C12orf42: variants seen among roughly 807,000 people sequenced by gnomAD.
C12orf42 encodes chromosome 12 open reading frame 42, also known as uncharacterized protein C12orf42.
A neutral mutation model predicts 21.6 loss-of-function variants in C12orf42; 25 were observed. The observed-to-expected ratio is 1.16, with a 90% CI of 0.84 to 1.62. The LOEUF (loss-of-function observed/expected upper bound fraction) is 1.62, where lower values mean the gene tolerates loss of function less well. C12orf42 is among the 40% of genes most tolerant of loss of function. The probability of loss-of-function intolerance (pLI) is 0.00; values close to 1 mark genes in which losing one functional copy is unlikely to be tolerated. For synonymous variants in C12orf42, 174 were observed against 175.0 expected, an observed-to-expected ratio of 0.99 and a Z score of 0.05; for missense variants, 483 against 459.3, an observed-to-expected ratio of 1.05 and a Z score of -0.47.
chr12:103,456,222 GAA>G (rs1194181522), intron 2 of C12orf42: 1 of 152,106 alleles, frequency 6.6e-6, no homozygotes, highest in Non-Finnish European at 1.5e-5. Context: ...GGGAGGGACA[GAA>G]ATGAAGCCCA....
At chr12:103,422,676 T>C (rs1231985294) in intron 2 of C12orf42, among the ~76,000 whole-genome samples, 1 of 151,782 alleles carries the variant, frequency 6.6e-6, no homozygotes, top group African/African-American at 2.4e-5. Context: ...AAAGCAAAAA[T>C]AAAGGAAATA....
chr12:103,062,736 T>G, the C12orf42 span, among the ~76,000 whole-genome samples: 6 of 152,218 alleles, frequency 3.9e-5, no homozygotes, highest in Non-Finnish European at 7.3e-5. Flanking sequence ...TTGTTGTTAA[T>G]CCTACTTGGA....
chr12:103,530,628 G>T, the C12orf42 span, among the ~76,000 whole-genome samples: 1 of 151,770 alleles, frequency 6.6e-6, no homozygotes, highest in Non-Finnish European at 1.5e-5. Flanking sequence ...CAAGTGTTCG[G>T]GGGGGGAAAA....
chr12:103,169,331 C>G, the C12orf42 span, among the ~76,000 whole-genome samples: 1 of 152,142 alleles, frequency 6.6e-6, no homozygotes, highest in African/African-American at 2.4e-5. Flanking sequence ...CCAACCACAT[C>G]TCACTGGGAA....
At chr12:103,433,033 A>G (rs7304308) in intron 2 of C12orf42, among the ~76,000 whole-genome samples, 96,172 of 152,090 alleles carry the variant, frequency 0.63, 31,180 homozygotes, top group Admixed American at 0.73. Context: ...CTCCCAGTGA[A>G]ATATAAACTT....
At chr12:103,072,039 C>A in the C12orf42 span, among the ~76,000 whole-genome samples, 1 of 152,076 alleles carries the variant, frequency 6.6e-6, no homozygotes, top group African/African-American at 2.4e-5. Context: ...CTAGAGCTCC[C>A]AAAAATGAGA....
At chr12:103,391,165 A>G (rs963925528) in intron 3 of C12orf42, among the ~76,000 whole-genome samples, 3 of 152,014 alleles carry the variant, frequency 2.0e-5, no homozygotes, top group Non-Finnish European at 4.4e-5. Context: ...TCGGTTTTAT[A>G]TATATATATA....
At chr12:103,296,189 G>A (rs1035441256) in intron 4 of C12orf42, among the ~76,000 whole-genome samples, 1 of 151,918 alleles carries the variant, frequency 6.6e-6, no homozygotes. Flanking sequence ...CAAAGGACAT[G>A]AACTCTTCAT....
intron 10 of C12orf42, among the ~76,000 whole-genome samples, chr12:103,263,044 T>G (rs1381708349): frequency 6.6e-6 from 1 of 151,984 alleles, no homozygotes; most frequent in East Asian, 1.9e-4. Flanking sequence ...CAGCAAGATA[T>G]CACAAGGACA....
intron 10 of C12orf42, among the ~76,000 whole-genome samples, chr12:103,247,949 C>T (rs564245534): frequency 1.3e-5 from 2 of 152,148 alleles, no homozygotes; most frequent in Admixed American, 6.6e-5. Flanking sequence ...AGGGTAGGCA[C>T]TCTTATTATG....
At chr12:103,519,933 G>A in the C12orf42 span, among the ~76,000 whole-genome samples, 332 of 152,310 alleles carry the variant, frequency 2.2e-3, 2 homozygotes, top group African/African-American at 7.6e-3. Flanking sequence ...AGAAAGAGGA[G>A]GGAAGAAGAC....
At chr12:103,457,013 C>A (rs1952342212) in intron 2 of C12orf42, among the ~76,000 whole-genome samples, 1 of 152,064 alleles carries the variant, frequency 6.6e-6, no homozygotes, top group African/African-American at 2.4e-5. Context: ...TTCTAAGAAG[C>A]TTAAATAACC....
intron 2 of C12orf42, among the ~76,000 whole-genome samples, chr12:103,441,156 C>T (rs1270964961): frequency 6.6e-6 from 1 of 152,020 alleles, no homozygotes; most frequent in African/African-American, 2.4e-5. Context: ...TTATATTTTC[C>T]AAACAGCCCA....
downstream of C12orf42, chr12:103,301,939 T>G: frequency 1.4e-6 from 1 of 733,414 alleles, no homozygotes; most frequent in South Asian, 2.1e-5. Context: ...AAAGGAACAT[T>G]TTTGGCTGCG....
At chr12:103,145,166 A>G in the C12orf42 span, among the ~76,000 whole-genome samples, 2 of 152,308 alleles carry the variant, frequency 1.3e-5, no homozygotes, top group East Asian at 1.9e-4. Flanking sequence ...TTTATACTGT[A>G]CTTTTTAAAG....
chr12:103,435,680 G>A (rs1357296712), intron 2 of C12orf42, among the ~76,000 whole-genome samples: 2 of 151,486 alleles, frequency 1.3e-5, no homozygotes, highest in African/African-American at 4.8e-5. Flanking sequence ...ATGAAATGAA[G>A]CGAGAAGGGA....
chr12:103,298,952 T>C (rs2037477753), downstream of C12orf42, among the ~76,000 whole-genome samples: 1 of 152,200 alleles, frequency 6.6e-6, no homozygotes, highest in South Asian at 2.1e-4. Flanking sequence ...ATATGCTATG[T>C]TGTCAACCCA....
the C12orf42 span, among the ~76,000 whole-genome samples, chr12:103,197,387 G>C: frequency 6.6e-6 from 1 of 152,146 alleles, no homozygotes; most frequent in African/African-American, 2.4e-5. Context: ...AATACTTGTA[G>C]TGAGTTTGTT....
At chr12:103,290,637 A>C (rs2036745220) in intron 4 of C12orf42, among the ~76,000 whole-genome samples, 1 of 152,196 alleles carries the variant, frequency 6.6e-6, no homozygotes, top group Non-Finnish European at 1.5e-5. Context: ...GACTTACCCC[A>C]AGAGGATTAA....
Sources: allele counts gnomAD v4.1 joint callset (sites outside exome capture counted in the v4.1 genomes callset), GRCh38; gene constraint gnomAD v4.1.1; transcripts MANE v1.5; gene names NCBI Gene and HGNC (gene_info 2026-07-23, HGNC 2026-07-21).